Variants in BCAS3 observed in about 807,000 individuals in gnomAD.
BCAS3 encodes BCAS3 microtubule associated cell migration factor, also known as BCAS4/BCAS3 fusion.
In BCAS3, 53 loss-of-function variants were observed where a neutral mutation model predicts 116.1. The ratio of observed to expected loss-of-function variants is 0.46; its 90% CI spans 0.37 to 0.57. The LOEUF (loss-of-function observed/expected upper bound fraction) is 0.57. Among genes scored for constraint, BCAS3 ranks in the 20% least tolerant of loss-of-function variants. BCAS3 has a pLI of 0.00. For missense variants in BCAS3, 917 were observed against 1,165.4 expected (o/e 0.79, Z 3.10); for synonymous variants, 391 against 408.2 (o/e 0.96, Z 0.51).
In BCAS3 at chr17:61,347,182, C is replaced by T. The variant is rs1010768341; in HGVS notation, c.2426-21145C>T. On this transcript the variant is annotated intron_variant, in intron 22 of 23. Coordinates refer to ENST00000407086, the MANE Select transcript of BCAS3 (RefSeq NM_017679.5). The surrounding 1 kb of genome is among the most constrained non-coding windows in gnomAD (Gnocchi z 4.3). The stretch of plus-strand genomic sequence containing the variant: ...CTCCACCTCCAGGGTTCAAGCGATT[C>T]TCCTGCCTCCCGCCTCAGCCTCCCG... Among the ~76,000 whole-genome samples the T allele has an allele frequency of 3.9e-5, 6 of 152,204 alleles. No individual in the cohort carries two copies. Among genetic ancestry groups the T allele is most frequent in the African/African-American group, 1.4e-4 (6 of 41,460 alleles).
intron 15 of BCAS3, among the ~76,000 whole-genome samples, chr17:60,999,069 T>C (rs2064039441): frequency 6.6e-6 from 1 of 152,228 alleles, no homozygotes. Flanking sequence ...ATTTATTGAA[T>C]AGTTATATCC....
chr17:60,730,950 C>G (rs139388626), intron 5 of BCAS3, among the ~76,000 whole-genome samples: 68 of 152,234 alleles, frequency 4.5e-4, no homozygotes, highest in Admixed American at 2.6e-3. Context: ...TGTGGCCACT[C>G]ATGTAGCTAG....
chr17:61,177,335 G>A (rs1351496375), intron 22 of BCAS3, among the ~76,000 whole-genome samples: 1 of 152,122 alleles, frequency 6.6e-6, no homozygotes, highest in Non-Finnish European at 1.5e-5. Flanking sequence ...ATGGAGAAAC[G>A]AATTGGTATT....
At position 61,302,197 on chromosome 17, in the gene BCAS3, C is replaced by T. The variant is rs1201634589; in HGVS notation, c.2426-66130C>T. ...CCCCTCCCCCGACTCCCAGGGTTCT[C>T]CTGTTCTCTCTGGTGTATTACTTGA... On this transcript the variant is annotated intron_variant, in intron 22 of 23. Transcript: ENST00000407086. This position sits in a 1 kb window ranked among gnomAD's most constrained non-coding sequence, Gnocchi z 4.4. Among the ~76,000 whole-genome samples, 3 of 152,178 alleles carry T rather than the reference C, an allele frequency of 2.0e-5. No individual in the cohort carries two copies. Among genetic ancestry groups the T allele is most frequent in the African/African-American group, 4.8e-5 (2 of 41,436 alleles).
In BCAS3 at chr17:61,235,485, T is replaced by G. The variant is rs1401352494; in HGVS notation, c.2426-132842T>G. Reference sequence around the variant, plus strand: ...AGTTATTATTCTCTTATGTTCAAATTTATTAACAAGGGCTTAATTTCATTC... The same window carrying G: ...AGTTATTATTCTCTTATGTTCAAATGTATTAACAAGGGCTTAATTTCATTC... On this transcript the variant is annotated intron_variant, in intron 22 of 23. Coordinates refer to ENST00000407086, the MANE Select transcript of BCAS3 (RefSeq NM_017679.5). This position sits in a 1 kb window ranked among gnomAD's most constrained non-coding sequence, Gnocchi z 5.0. Among the ~76,000 whole-genome samples the G allele has an allele frequency of 6.6e-6, 1 of 152,196 alleles. No homozygotes were observed. Among genetic ancestry groups the G allele is most frequent in the African/African-American group, 2.4e-5 (1 of 41,460 alleles).
At chr17:61,329,427 G>T (rs534131293) in intron 22 of BCAS3, among the ~76,000 whole-genome samples, 1 of 148,272 alleles carries the variant, frequency 6.7e-6, no homozygotes, top group South Asian at 2.1e-4. Context: ...TGCAAGCTCC[G>T]CCTCCCGAGT....
At position 61,020,117 on chromosome 17, in the gene BCAS3, T is replaced by C. The variant is rs2065769060; in HGVS notation, c.1637+4216T>C. Among the ~76,000 whole-genome samples, 1 of 152,226 alleles carries C rather than the reference T, an allele frequency of 6.6e-6. No individual in the cohort carries two copies. Among genetic ancestry groups the C allele is most frequent in the African/African-American group, 2.4e-5 (1 of 41,454 alleles). On this transcript the variant is annotated intron_variant, in intron 16 of 23. Coordinates refer to ENST00000407086, the MANE Select transcript of BCAS3 (RefSeq NM_017679.5). This position sits in a 1 kb window ranked among gnomAD's most constrained non-coding sequence, Gnocchi z 4.5. The stretch of plus-strand genomic sequence containing the variant: ...GTCATAAAATAACCATAAAGTGTTA[T>C]ATTTCTAAAGTAGAGATTTCTAAAG...
rs146277189 is a variant in BCAS3 at position 60,816,863 on chromosome 17, C to T, written c.476+8787C>T. On this transcript the variant is annotated intron_variant, in intron 7 of 23. Transcript: ENST00000407086. Reference sequence around the variant, plus strand: ...TGACAATGGTGGAGTTATGCCGGTTCGTTTCAGCAGTTACTAGTTATAACT... The same window carrying T: ...TGACAATGGTGGAGTTATGCCGGTTTGTTTCAGCAGTTACTAGTTATAACT... Among the ~76,000 whole-genome samples, 5 of 152,220 alleles carry T rather than the reference C, an allele frequency of 3.3e-5. No individual in the cohort carries two copies. The East Asian group carries it at 7.7e-4, about 24-fold the overall frequency.
chr17:61,356,889 G>C lies in BCAS3; in HGVS notation c.2426-11438G>C, dbSNP rs1209069483. On this transcript the variant is annotated intron_variant, in intron 22 of 23. Coordinates refer to ENST00000407086, the MANE Select transcript of BCAS3 (RefSeq NM_017679.5). The surrounding 1 kb of genome is among the most constrained non-coding windows in gnomAD (Gnocchi z 5.4). ...GCATGCAGCCAGCCATGGCCACTGG[G>C]AGAAGAGTCAGACATGGGCCATGGA... 6.6e-6 allele frequency: 1 copy of C among 152,250 alleles called. No homozygotes were observed. Among genetic ancestry groups the C allele is most frequent in the Non-Finnish European group, 1.5e-5 (1 of 68,066 alleles). 9.4% of individuals were successfully genotyped at this position (152,250 alleles called of 1,614,324 possible).
rs997818538 is a variant in BCAS3 at position 61,182,385 on chromosome 17, A to C, written c.2425+97821A>C. ...ATTTTAAACATAGGCAGAAGGAGAA[A>C]GAATAGCTTAAAAAAACCCCACTAG... On this transcript the variant is annotated intron_variant, in intron 22 of 23. Coordinates refer to ENST00000407086, the MANE Select transcript of BCAS3 (RefSeq NM_017679.5). 3.3e-5 allele frequency among the ~76,000 whole-genome samples: 5 copies of C among 152,108 alleles called. No individual in the cohort carries two copies. The South Asian group carries it at 1.0e-3, about 32-fold the overall frequency.
chr17:61,033,498 G>A (rs1334093509), intron 16 of BCAS3, among the ~76,000 whole-genome samples: 1 of 152,132 alleles, frequency 6.6e-6, no homozygotes, highest in Admixed American at 6.5e-5. Flanking sequence ...CAGCTCAGAG[G>A]TGCCAGCACT....
chr17:60,696,162 A>ATAGTT (rs961168212), intron 4 of BCAS3, among the ~76,000 whole-genome samples: 3 of 152,190 alleles, frequency 2.0e-5, no homozygotes, highest in Non-Finnish European at 2.9e-5. Flanking sequence ...CATTATTGGA[A>ATAGTT]TAGTTGCTGT....
intron 7 of BCAS3, among the ~76,000 whole-genome samples, chr17:60,814,124 G>A (rs1038925624): frequency 3.3e-5 from 5 of 151,856 alleles, no homozygotes; most frequent in African/African-American, 1.2e-4. Context: ...TGGGTAGTTT[G>A]ACCATTTTAA....
chr17:60,925,454 A>G (rs1052545967), intron 13 of BCAS3, among the ~76,000 whole-genome samples: 1 of 152,226 alleles, frequency 6.6e-6, no homozygotes. Flanking sequence ...TCAAGTATCT[A>G]CATTATTGGA....
chr17:61,009,413 T>C (rs957537813), intron 15 of BCAS3, among the ~76,000 whole-genome samples: 1 of 152,078 alleles, frequency 6.6e-6, no homozygotes, highest in Non-Finnish European at 1.5e-5. Context: ...CTAAAGAATC[T>C]TTCTTTGTCC....
At chr17:60,693,605 G>C (rs1461226793) in intron 4 of BCAS3, among the ~76,000 whole-genome samples, 1 of 151,232 alleles carries the variant, frequency 6.6e-6, no homozygotes, top group Non-Finnish European at 1.5e-5. Flanking sequence ...TGTAGTTGGG[G>C]TCTCACCATG....
At chr17:60,876,277 A>T (rs2055595236) in intron 9 of BCAS3, among the ~76,000 whole-genome samples, 1 of 152,004 alleles carries the variant, frequency 6.6e-6, no homozygotes, top group East Asian at 1.9e-4. Flanking sequence ...CATGCTTCTT[A>T]TGTCCCATTT....
rs2058041806 is a variant in BCAS3 at position 61,354,524 on chromosome 17, C to T, written c.2426-13803C>T. 1 of 152,300 alleles carries T rather than the reference C, an allele frequency of 6.6e-6. No homozygotes were observed. Among genetic ancestry groups the T allele is most frequent in the Non-Finnish European group, 1.5e-5 (1 of 68,150 alleles). 9.4% of individuals were successfully genotyped at this position (152,300 alleles called of 1,614,324 possible). On this transcript the variant is annotated intron_variant, in intron 22 of 23. Transcript: ENST00000407086. This position sits in a 1 kb window ranked among gnomAD's most constrained non-coding sequence, Gnocchi z 4.5. ...TCTAGTAAGTGACCCCTCCATTGTC[C>T]AAAACAGTGCTGCTGCTTAGCCTGC... is the stretch of plus-strand genomic sequence containing the variant.
At chr17:61,223,086 G>A (rs2082194691) in intron 22 of BCAS3, among the ~76,000 whole-genome samples, 1 of 150,652 alleles carries the variant, frequency 6.6e-6, no homozygotes, top group African/African-American at 2.4e-5. Context: ...ACTGCAGTTG[G>A]TAATTGTGGA....
Sources: allele counts gnomAD v4.1 joint callset (sites outside exome capture counted in the v4.1 genomes callset), GRCh38; gene constraint gnomAD v4.1.1; non-coding constraint Gnocchi (gnomAD v3.1); transcripts MANE v1.5; gene names NCBI Gene and HGNC (gene_info 2026-07-23, HGNC 2026-07-21).